Variants in PDE1C observed in about 807,000 individuals in gnomAD.
PDE1C encodes the protein phosphodiesterase 1C, also known as dual specificity calcium/calmodulin-dependent 3',5'-cyclic nucleotide phosphodiesterase 1C.
A neutral mutation model predicts 93.1 loss-of-function variants in PDE1C; 62 were observed. The ratio of observed to expected loss-of-function variants is 0.67; its 90% CI spans 0.54 to 0.82. The LOEUF is 0.82. Ranked by LOEUF, PDE1C falls within the 40% of genes least tolerant of loss-of-function variation. The pLI is 0.00. For missense variants in PDE1C, 742 were observed against 884.6 expected, an observed-to-expected ratio of 0.84 and a Z score of 2.04; for synonymous variants, 325 against 310.1, an observed-to-expected ratio of 1.05 and a Z score of -0.50.
At chr7:31,742,581 T>C in the PDE1C span, among the ~76,000 whole-genome samples, 5 of 152,302 alleles carry the variant, frequency 3.3e-5, no homozygotes, top group South Asian at 2.1e-4. Flanking sequence ...CTTCCTTCAC[T>C]GAAACACCAC....
chr7:31,753,659 GA>G, intron 17 of PDE1C, 106 bp from the exon 18 acceptor site: 1 of 1,409,728 alleles, frequency 7.1e-7, no homozygotes, highest in Non-Finnish European at 9.3e-7. Context: ...TTTCCTCCAA[GA>G]CCAGGAAAGA....
At chr7:31,617,992 A>T in the PDE1C span, among the ~76,000 whole-genome samples, 10 of 152,204 alleles carry the variant, frequency 6.6e-5, no homozygotes, top group South Asian at 8.3e-4. Context: ...GTCATTAGAT[A>T]AACTGTTTAT....
At chr7:31,691,580 C>G in the PDE1C span, among the ~76,000 whole-genome samples, 1 of 152,006 alleles carries the variant, frequency 6.6e-6, no homozygotes. Flanking sequence ...TCCTGGGCGA[C>G]AGCTATAACT....
intron 16 of PDE1C, chr7:31,786,027 C>A (rs1035764181): frequency 6.6e-6 from 1 of 152,146 alleles, no homozygotes; most frequent in African/African-American, 2.4e-5. Context: ...AATATAACAT[C>A]ATTATTGCAA....
intron 3 of PDE1C, among the ~76,000 whole-genome samples, chr7:32,139,300 C>CTTTT (rs34277412): frequency 0.15 from 12,175 of 83,246 alleles, 1,183 homozygotes; most frequent in Non-Finnish European, 0.2. Flanking sequence ...CAAAATCAAC[C>CTTTT]TTTTTTTTTT....
At chr7:31,620,800 T>A in the PDE1C span, among the ~76,000 whole-genome samples, 1 of 151,960 alleles carries the variant, frequency 6.6e-6, no homozygotes, top group African/African-American at 2.4e-5. Flanking sequence ...CATCAGACGA[T>A]CAAACTACAA....
At chr7:32,109,243 A>T (rs1036218926) in intron 3 of PDE1C, among the ~76,000 whole-genome samples, 1 of 152,208 alleles carries the variant, frequency 6.6e-6, no homozygotes, top group African/African-American at 2.4e-5. Context: ...AATTTTAAAA[A>T]AGATTATTTA....
chr7:31,852,805 T>G (rs935878080), intron 7 of PDE1C, among the ~76,000 whole-genome samples: 1 of 152,124 alleles, frequency 6.6e-6, no homozygotes, highest in Non-Finnish European at 1.5e-5. Flanking sequence ...AGGCATAAAT[T>G]TATATTGCAC....
intron 1 of PDE1C, among the ~76,000 whole-genome samples, chr7:32,363,754 T>C (rs1784181497): frequency 6.6e-6 from 1 of 152,338 alleles, no homozygotes; most frequent in East Asian, 1.9e-4. Flanking sequence ...GCTGATGCTG[T>C]TCACACTGGC....
chr7:32,304,899 A>G (rs995758112), intron 1 of PDE1C, among the ~76,000 whole-genome samples: 1 of 152,188 alleles, frequency 6.6e-6, no homozygotes, highest in Non-Finnish European at 1.5e-5. Flanking sequence ...CATCGTCGTC[A>G]TCACTAGCAT....
chr7:31,852,288 A>G (rs1377528517), intron 7 of PDE1C, among the ~76,000 whole-genome samples: 1 of 152,248 alleles, frequency 6.6e-6, no homozygotes, highest in African/African-American at 2.4e-5. Flanking sequence ...GATTCCTAAC[A>G]GAATCCAGCA....
rs565644417 is a variant in PDE1C, at chr7:32,407,069, C to A, written c.310+20753G>T. Among the ~76,000 whole-genome samples the A allele has an allele frequency of 3.9e-5, 6 of 152,174 alleles. No homozygotes were observed. In the South Asian group the frequency reaches 8.3e-4, roughly 21 times the overall value. On this transcript the variant is annotated intron_variant, in intron 1 of 1. Transcript: ENST00000672256. Reference sequence around the variant, plus strand: ...GGTGGGCGAATCACGAGGTCAGGAGCTCGAGACCAGCCTGGCCAACATGGT... The same window carrying A: ...GGTGGGCGAATCACGAGGTCAGGAGATCGAGACCAGCCTGGCCAACATGGT...
chr7:32,144,933 A>G (rs930305587), intron 3 of PDE1C, among the ~76,000 whole-genome samples: 4 of 152,190 alleles, frequency 2.6e-5, no homozygotes, highest in Non-Finnish European at 4.4e-5. Flanking sequence ...ATAGACAGCA[A>G]TGATACAGTG....
chr7:31,979,328 T>C (rs2129057494), intron 2 of PDE1C, among the ~76,000 whole-genome samples: 1 of 152,296 alleles, frequency 6.6e-6, no homozygotes, highest in Non-Finnish European at 1.5e-5. Flanking sequence ...ATGGTTTCTA[T>C]CTCTAAAATG....
intron 2 of PDE1C, among the ~76,000 whole-genome samples, chr7:32,010,248 ATAAAGCTAAAG>A (rs1233829066): frequency 6.6e-6 from 1 of 152,240 alleles, no homozygotes; most frequent in Non-Finnish European, 1.5e-5. Context: ...AAGTCTTATT[ATAAAGCTAAAG>A]TAAAGAAGGC....
At chr7:32,224,688 C>T (rs189211973) in intron 1 of PDE1C, among the ~76,000 whole-genome samples, 292 of 152,226 alleles carry the variant, frequency 1.9e-3, no homozygotes, top group African/African-American at 6.6e-3. Flanking sequence ...AGCACGTGTG[C>T]GACACATAAA....
chr7:32,403,518 A>C (rs948741600), intron 1 of PDE1C, among the ~76,000 whole-genome samples: 1 of 152,210 alleles, frequency 6.6e-6, no homozygotes, highest in East Asian at 1.9e-4. Context: ...CATGTCATCA[A>C]TGTAAACTAG....
chr7:32,124,707 C>T (rs1007860851), intron 3 of PDE1C, among the ~76,000 whole-genome samples: 1 of 152,114 alleles, frequency 6.6e-6, no homozygotes, highest in Non-Finnish European at 1.5e-5. Flanking sequence ...TTCCTTACAC[C>T]GTATTCAAAA....
chr7:31,665,720 T>C, the PDE1C span, among the ~76,000 whole-genome samples: 28 of 152,160 alleles, frequency 1.8e-4, no homozygotes, highest in Non-Finnish European at 3.8e-4. Context: ...TTCTACCCTT[T>C]TGGCGAATAG....
Sources: allele counts gnomAD v4.1 joint callset (sites outside exome capture counted in the v4.1 genomes callset), GRCh38; gene constraint gnomAD v4.1.1; transcripts MANE v1.5; gene names NCBI Gene and HGNC (gene_info 2026-07-23, HGNC 2026-07-21).